The following CIMAP3 variants were observed in gnomAD, a reference collection of about 807,000 sequenced individuals.
CIMAP3 encodes the protein ciliary microtubule-associated protein 3.
chr1:111,334,899 T>C, the CIMAP3 span, among the ~76,000 whole-genome samples: 1 of 151,840 alleles, frequency 6.6e-6, no homozygotes, highest in East Asian at 1.9e-4. Flanking sequence ...AGGCTGAGGT[T>C]GGCAGATCAC....
the CIMAP3 span, among the ~76,000 whole-genome samples, chr1:111,333,014 T>C: frequency 1.3e-5 from 2 of 152,216 alleles, no homozygotes; most frequent in East Asian, 3.9e-4. Flanking sequence ...CTGTCTGCAG[T>C]GAGTAGGGCA....
At chr1:111,336,295 TCTC>T in the CIMAP3 span, among the ~76,000 whole-genome samples, 1 of 152,056 alleles carries the variant, frequency 6.6e-6, no homozygotes, top group Non-Finnish European at 1.5e-5. Flanking sequence ...ACGGAGCACC[TCTC>T]CTCCTCCAAA....
the CIMAP3 span, among the ~76,000 whole-genome samples, chr1:111,345,638 G>A: frequency 6.6e-6 from 1 of 152,180 alleles, no homozygotes; most frequent in Non-Finnish European, 1.5e-5. Flanking sequence ...CCTGAAGGCT[G>A]TCCTAACGCG....
the CIMAP3 span, among the ~76,000 whole-genome samples, chr1:111,335,011 C>T: frequency 6.6e-6 from 1 of 151,016 alleles, no homozygotes; most frequent in Non-Finnish European, 1.5e-5. Flanking sequence ...ACCTGTAATT[C>T]CAACTACTTG....
At chr1:111,349,443 A>G in the CIMAP3 span, 1 of 152,332 alleles carries the variant, frequency 6.6e-6, no homozygotes, top group Non-Finnish European at 1.5e-5. Context: ...TCAATGCTTT[A>G]GGAAGCTATT....
the CIMAP3 span, among the ~76,000 whole-genome samples, chr1:111,339,678 A>G: frequency 6.6e-6 from 1 of 151,904 alleles, no homozygotes; most frequent in African/African-American, 2.4e-5. Context: ...AAGGAGAACT[A>G]CAAACCACTG....
the CIMAP3 span, chr1:111,350,286 G>C: frequency 7.6e-7 from 1 of 1,318,256 alleles, no homozygotes; most frequent in Non-Finnish European, 1.1e-6. Flanking sequence ...TAGGTATTAG[G>C]GACTCTTAAT....
chr1:111,335,702 C>T, the CIMAP3 span, among the ~76,000 whole-genome samples: 5 of 152,214 alleles, frequency 3.3e-5, no homozygotes, highest in African/African-American at 9.6e-5. Flanking sequence ...TCCGGAAGCT[C>T]GAACTGGGTG....
the CIMAP3 span, among the ~76,000 whole-genome samples, chr1:111,343,278 A>C: frequency 7.9e-3 from 1,204 of 152,334 alleles, 16 homozygotes; most frequent in African/African-American, 0.027. Flanking sequence ...AACATTATAC[A>C]AAAAATTGAA....
chr1:111,338,561 G>A, the CIMAP3 span, among the ~76,000 whole-genome samples: 4 of 152,088 alleles, frequency 2.6e-5, no homozygotes, highest in East Asian at 1.9e-4. Context: ...TACCATCAGA[G>A]ATTACTATAA....
At chr1:111,344,877 A>G in the CIMAP3 span, among the ~76,000 whole-genome samples, 1 of 152,226 alleles carries the variant, frequency 6.6e-6, no homozygotes, top group Admixed American at 6.5e-5. Context: ...TAAAATTACA[A>G]TGGAGCAGCC....
the CIMAP3 span, among the ~76,000 whole-genome samples, chr1:111,336,955 G>A: frequency 2.0e-5 from 3 of 151,710 alleles, no homozygotes; most frequent in Non-Finnish European, 4.4e-5. Flanking sequence ...GAGAAAGGTC[G>A]GGTTACCCAC....
the CIMAP3 span, among the ~76,000 whole-genome samples, chr1:111,338,444 C>A: frequency 2.0e-5 from 3 of 150,344 alleles, no homozygotes; most frequent in Non-Finnish European, 4.4e-5. Context: ...AATTGATAGA[C>A]CTCTAGCAAG....
chr1:111,338,501 A>G, the CIMAP3 span, among the ~76,000 whole-genome samples: 1 of 152,064 alleles, frequency 6.6e-6, no homozygotes, highest in African/African-American at 2.4e-5. Flanking sequence ...AATAGACACA[A>G]TAAAAAATGA....
the CIMAP3 span, chr1:111,346,593 G>A: frequency 3.8e-5 from 61 of 1,608,340 alleles, no homozygotes; most frequent in Non-Finnish European, 5.2e-5. Context: ...TGGGAATCAC[G>A]GGACTAGCCT....
chr1:111,339,199 G>A, the CIMAP3 span, among the ~76,000 whole-genome samples: 11 of 151,260 alleles, frequency 7.3e-5, no homozygotes, highest in African/African-American at 1.5e-4. Flanking sequence ...TTCATGGGAC[G>A]TATCTCAAAA....
chr1:111,334,668 C>A, the CIMAP3 span, among the ~76,000 whole-genome samples: 2 of 152,132 alleles, frequency 1.3e-5, no homozygotes, highest in African/African-American at 2.4e-5. Flanking sequence ...AATTCAGAAA[C>A]TTATCAGAGA....
the CIMAP3 span, among the ~76,000 whole-genome samples, chr1:111,341,037 A>T: frequency 6.6e-6 from 1 of 151,022 alleles, no homozygotes. Context: ...ATAAAAAATG[A>T]TGAGTTCATG....
chr1:111,334,847 T>C, the CIMAP3 span, among the ~76,000 whole-genome samples: 1,202 of 152,106 alleles, frequency 7.9e-3, 14 homozygotes, highest in African/African-American at 0.027. Context: ...TAAACAGATG[T>C]CACGCAAGGT....
Sources: gnomAD v4.1 joint callset for allele counts (sites outside exome capture counted in the v4.1 genomes callset) on GRCh38, gnomAD v4.1.1 for gene constraint, MANE v1.5 for transcripts, NCBI Gene and HGNC (gene_info 2026-07-23, HGNC 2026-07-21) for gene names.